Variants in CSMD1 observed in about 807,000 individuals in gnomAD.
CSMD1 encodes the protein CUB and Sushi multiple domains 1, also known as CUB and sushi domain-containing protein 1.
In CSMD1, 213 loss-of-function variants were observed where a neutral mutation model predicts 417.5. The ratio of observed to expected loss-of-function variants is 0.51; its 90% CI spans 0.46 to 0.57. The LOEUF (loss-of-function observed/expected upper bound fraction) is 0.57, where lower values mean the gene tolerates loss of function less well. Ranked by LOEUF, CSMD1 falls within the 20% of genes least tolerant of loss-of-function variation. The probability of loss-of-function intolerance (pLI) is 0.00; values close to 1 mark genes in which losing one functional copy is unlikely to be tolerated. For synonymous variants in CSMD1, 2,862 were observed against 1,736.8 expected (o/e 1.65, Z -16.11); for missense variants, 6,923 against 4,529.7 (o/e 1.53, Z -15.17).
At chr8:3,765,715 C>T (rs1275151537) in intron 5 of CSMD1, among the ~76,000 whole-genome samples, 1 of 152,204 alleles carries the variant, frequency 6.6e-6, no homozygotes, top group Non-Finnish European at 1.5e-5. Context: ...ATCAGCACTG[C>T]AGCCTTGCAG....
rs140749650 is a variant in CSMD1 at position 3,751,744 on chromosome 8, A to G, written c.931+2186T>C. On this transcript the variant is annotated intron_variant, in intron 6 of 69. Transcript: ENST00000635120. ...CCATCTTGGAGCAGCTTCAAAGTTG[A>G]TATTCCATTTTTAACCTTTCTTTCA... Among the ~76,000 whole-genome samples, 115 of 152,170 alleles carry G rather than the reference A, an allele frequency of 7.6e-4. 2 individuals carry two copies. Among genetic ancestry groups the G allele is most frequent in the African/African-American group, 2.6e-3 (106 of 41,528 alleles).
intron 5 of CSMD1, among the ~76,000 whole-genome samples, chr8:3,775,206 A>G (rs1287681255): frequency 1.3e-5 from 2 of 152,226 alleles, no homozygotes; most frequent in African/African-American, 4.8e-5. Flanking sequence ...GAATTTTGAA[A>G]GGTTTAGATA....
chr8:3,804,342 A>T (rs1208079258), intron 5 of CSMD1, among the ~76,000 whole-genome samples: 2 of 152,200 alleles, frequency 1.3e-5, no homozygotes, highest in African/African-American at 4.8e-5. Context: ...ATGCGTCTTA[A>T]AAGAAGCAGT....
rs115407423 is a variant in CSMD1 at position 3,942,621 on chromosome 8, T to G, written c.818+55282A>C. Among the ~76,000 whole-genome samples, 1,351 of 152,322 alleles carry G rather than the reference T, an allele frequency of 8.9e-3. 21 individuals carry two copies. Among genetic ancestry groups the G allele is most frequent in the African/African-American group, 0.03 (1,261 of 41,560 alleles). ...TCTAAAGGCGACATTGGTCCGGCCA[T>G]TCTACTTACTGGTTAGCCTCAGTTT... On this transcript the variant is annotated intron_variant, in intron 5 of 69. Coordinates refer to ENST00000635120, the MANE Select transcript of CSMD1 (RefSeq NM_033225.6).
At chr8:3,282,078 T>C (rs1406976784) in intron 26 of CSMD1, among the ~76,000 whole-genome samples, 2 of 152,160 alleles carry the variant, frequency 1.3e-5, no homozygotes, top group African/African-American at 4.8e-5. Flanking sequence ...GCCTGCTGAG[T>C]TGTGACTCAA....
In CSMD1 at chr8:3,827,676, C is replaced by G. The variant is rs141329121; in HGVS notation, c.819-73634G>C. Among the ~76,000 whole-genome samples the G allele has an allele frequency of 4.1e-3, 629 of 152,256 alleles. 3 individuals are homozygous for G. The highest frequency in any genetic ancestry group is 0.03 in the South Asian group (145 of 4,818). On this transcript the variant is annotated intron_variant, in intron 5 of 69. Coordinates refer to ENST00000635120, the MANE Select transcript of CSMD1 (RefSeq NM_033225.6). ...ACATGATTTTTGAAAGTCAGATAAA[C>G]CCAATTTATTGACTTCATTGTGAGT...
chr8:3,957,827 G>C (rs1812065869), intron 5 of CSMD1, among the ~76,000 whole-genome samples: 1 of 151,948 alleles, frequency 6.6e-6, no homozygotes, highest in South Asian at 2.1e-4. Flanking sequence ...GAAATGAAGG[G>C]ATAATCACAA....
At chr8:4,724,936 G>T (rs186010000) in intron 1 of CSMD1, among the ~76,000 whole-genome samples, 16 of 152,106 alleles carry the variant, frequency 1.1e-4, no homozygotes, top group African/African-American at 3.1e-4. Context: ...TAAGAAGGTT[G>T]TTACAGTTGT....
chr8:3,096,749 C>T, intron 47 of CSMD1, 100 bp downstream of exon 47: 1 of 838,212 alleles, frequency 1.2e-6, no homozygotes, highest in Non-Finnish European at 1.8e-6. Context: ...CATAAGTTAA[C>T]TCAAGAATAT....
rs111747727 is a variant in CSMD1 at position 4,276,685 on chromosome 8, C to T, written c.415+143268G>A. On this transcript the variant is annotated intron_variant, in intron 3 of 69. Transcript: ENST00000635120. ...TCCTTCTGGTCATTGATTCAGGAAA[C>T]GAAGTCTTTAGTTCCAGTGGGATCC... Among the ~76,000 whole-genome samples, 264 of 152,196 alleles carry T rather than the reference C, an allele frequency of 1.7e-3. 1 individual carries two copies. The highest frequency in any genetic ancestry group is 4.6e-3 in the African/African-American group (193 of 41,520).
chr8:3,772,840 C>T (rs189866684), intron 5 of CSMD1, among the ~76,000 whole-genome samples: 245 of 152,046 alleles, frequency 1.6e-3, no homozygotes, highest in African/African-American at 5.7e-3. Context: ...CACCTCCCAA[C>T]CCCCTCCTCT....
intron 5 of CSMD1, among the ~76,000 whole-genome samples, chr8:3,831,556 C>G (rs1361860642): frequency 1.3e-5 from 2 of 152,084 alleles, no homozygotes; most frequent in East Asian, 1.9e-4. Context: ...TTTCATATGC[C>G]TCTGTGCTCA....
chr8:4,449,361 T>A (rs1469478956), intron 2 of CSMD1, among the ~76,000 whole-genome samples: 3 of 152,184 alleles, frequency 2.0e-5, no homozygotes, highest in Non-Finnish European at 4.4e-5. Flanking sequence ...TCTCTTTTTT[T>A]CCAGAATGAT....
intron 2 of CSMD1, among the ~76,000 whole-genome samples, chr8:4,563,288 C>G (rs1009436823): frequency 6.6e-6 from 1 of 152,118 alleles, no homozygotes; most frequent in South Asian, 2.1e-4. Flanking sequence ...GTAGTCCCAG[C>G]TACTTGGGAG....
chr8:4,863,875 C>T lies in CSMD1; in HGVS notation c.85+130457G>A, dbSNP rs1424479955. Among the ~76,000 whole-genome samples the T allele has an allele frequency of 4.0e-5, 6 of 151,684 alleles. No individual in the cohort carries two copies. The East Asian group carries it at 7.7e-4, about 20-fold the overall frequency. On this transcript the variant is annotated intron_variant, in intron 1 of 69. Coordinates refer to ENST00000635120, the MANE Select transcript of CSMD1 (RefSeq NM_033225.6). ...TTTTCTTGATTTTATTCTGCCTTCA[C>T]AAAATTGTATAAATTAAATTAAAAG... is the stretch of plus-strand genomic sequence containing the variant.
At chr8:4,709,745 G>C (rs1024409195) in intron 1 of CSMD1, among the ~76,000 whole-genome samples, 1 of 152,196 alleles carries the variant, frequency 6.6e-6, no homozygotes, top group Non-Finnish European at 1.5e-5. Context: ...GTGCAGGTGA[G>C]CTCCATCAGT....
chr8:4,715,837 G>C (rs947627651), intron 1 of CSMD1, among the ~76,000 whole-genome samples: 25 of 152,300 alleles, frequency 1.6e-4, no homozygotes, highest in African/African-American at 5.8e-4. Flanking sequence ...CCAAACCAAA[G>C]TGGACTTTGC....
chr8:3,045,858 C>T (rs11785381), intron 50 of CSMD1, among the ~76,000 whole-genome samples: 47,366 of 151,960 alleles, frequency 0.31, 7,501 homozygotes, highest in East Asian at 0.35. Context: ...AATGAAATTA[C>T]ATACCTCATA....
At chr8:3,030,543 C>A (rs1347579690) in intron 50 of CSMD1, among the ~76,000 whole-genome samples, 1 of 152,114 alleles carries the variant, frequency 6.6e-6, no homozygotes, top group Non-Finnish European at 1.5e-5. Flanking sequence ...GTGGCATGAT[C>A]ACGGCTCACT....
Sources: allele counts gnomAD v4.1 joint callset (sites outside exome capture counted in the v4.1 genomes callset), GRCh38; gene constraint gnomAD v4.1.1; transcripts MANE v1.5; gene names NCBI Gene and HGNC (gene_info 2026-07-23, HGNC 2026-07-21).